GRID2: variants seen among roughly 807,000 people sequenced by gnomAD.
GRID2 encodes glutamate ionotropic receptor delta type subunit 2.
Under a neutral mutation model 114.8 loss-of-function variants are expected in GRID2, and 33 were observed. That is an observed-to-expected ratio of 0.29 (90% confidence interval 0.22 to 0.38). The LOEUF is 0.38. Among genes scored for constraint, GRID2 ranks in the 10% least tolerant of loss-of-function variants. The probability of loss-of-function intolerance (pLI) is 1.00; values close to 1 mark genes in which losing one functional copy is unlikely to be tolerated. For missense variants in GRID2, 1,184 were observed against 1,257.7 expected (o/e 0.94, Z 0.89); for synonymous variants, 505 against 449.9 (o/e 1.12, Z -1.55).
chr4:93,279,002 C>T (rs1352139204), intron 8 of GRID2, among the ~76,000 whole-genome samples: 1 of 151,778 alleles, frequency 6.6e-6, no homozygotes, highest in African/African-American at 2.4e-5. Flanking sequence ...GTTTTAACAA[C>T]CGCTTTTAAG....
intron 8 of GRID2, among the ~76,000 whole-genome samples, chr4:93,287,785 A>C (rs1753338099): frequency 6.6e-6 from 1 of 152,208 alleles, no homozygotes; most frequent in South Asian, 2.1e-4. Context: ...TATTCACTTG[A>C]TAATTGTTCT....
intron 2 of GRID2, among the ~76,000 whole-genome samples, chr4:92,985,311 C>T (rs112467513): frequency 6.6e-6 from 1 of 151,566 alleles, no homozygotes; most frequent in Non-Finnish European, 1.5e-5. Context: ...GCAAGCTCCG[C>T]CTCCCGGGTT....
intron 14 of GRID2, among the ~76,000 whole-genome samples, chr4:93,684,960 G>A (rs980128294): frequency 1.3e-5 from 2 of 152,012 alleles, no homozygotes; most frequent in Admixed American, 6.6e-5. Context: ...GGTGGTAAAA[G>A]GCTCTCTTGT....
chr4:92,943,295 C>G (rs903610548), intron 2 of GRID2, among the ~76,000 whole-genome samples: 1 of 152,064 alleles, frequency 6.6e-6, no homozygotes, highest in Non-Finnish European at 1.5e-5. Context: ...CTCTGAACTT[C>G]TCTTCTCACT....
intron 13 of GRID2, among the ~76,000 whole-genome samples, chr4:93,560,089 G>A (rs1269056490): frequency 6.6e-6 from 1 of 151,798 alleles, no homozygotes; most frequent in South Asian, 2.1e-4. Context: ...AAGGTGGGGG[G>A]CTAGGGGATG....
intron 14 of GRID2, among the ~76,000 whole-genome samples, chr4:93,706,082 G>A (rs1265717205): frequency 6.6e-6 from 1 of 152,054 alleles, no homozygotes; most frequent in African/African-American, 2.4e-5. Context: ...GATCACTATA[G>A]CTCTGTAGTA....
intron 2 of GRID2, among the ~76,000 whole-genome samples, chr4:92,842,362 A>G (rs1435197964): frequency 1.3e-5 from 2 of 152,196 alleles, no homozygotes; most frequent in African/African-American, 4.8e-5. Flanking sequence ...CCAAGAAAGC[A>G]GTTTTTCCTA....
intron 2 of GRID2, among the ~76,000 whole-genome samples, chr4:92,928,332 A>G (rs916199348): frequency 6.6e-6 from 1 of 151,766 alleles, no homozygotes; most frequent in African/African-American, 2.4e-5. Context: ...ATTTTTATTT[A>G]GAAAGATTTA....
At chr4:93,752,283 A>G (rs1732387509) in intron 14 of GRID2, among the ~76,000 whole-genome samples, 1 of 152,218 alleles carries the variant, frequency 6.6e-6, no homozygotes, top group Non-Finnish European at 1.5e-5. Flanking sequence ...GGATCATGTT[A>G]TCTTGCCAGT....
At chr4:93,172,440 A>T (rs568224455) in intron 4 of GRID2, among the ~76,000 whole-genome samples, 1 of 152,106 alleles carries the variant, frequency 6.6e-6, no homozygotes, top group East Asian at 1.9e-4. Context: ...AAGTTACAAA[A>T]AATTAGCCAA....
At chr4:92,608,570 A>G (rs1054983308) in intron 2 of GRID2, among the ~76,000 whole-genome samples, 6 of 151,810 alleles carry the variant, frequency 4.0e-5, no homozygotes, top group African/African-American at 1.4e-4. Context: ...CTCTCAAAGG[A>G]GTTTTACTAC....
At chr4:92,746,480 G>GTGGCTATT (rs1257231580) in intron 2 of GRID2, among the ~76,000 whole-genome samples, 5 of 152,044 alleles carry the variant, frequency 3.3e-5, no homozygotes, top group Non-Finnish European at 7.4e-5. Flanking sequence ...AGGCTTTATA[G>GTGGCTATT]GAGTATGTAT....
intron 14 of GRID2, among the ~76,000 whole-genome samples, chr4:93,699,290 C>T (rs1727304860): frequency 6.6e-6 from 1 of 151,896 alleles, no homozygotes; most frequent in South Asian, 2.1e-4. Flanking sequence ...ACAATTAGAC[C>T]ATGTCAAAAT....
intron 1 of GRID2, among the ~76,000 whole-genome samples, chr4:92,587,372 A>G (rs57113788): frequency 0.38 from 57,619 of 151,718 alleles, 10,944 homozygotes; most frequent in Middle Eastern, 0.46. Flanking sequence ...TAATATTTGT[A>G]TATTAATACA....
chr4:92,709,682 A>T (rs1259601495), intron 2 of GRID2, among the ~76,000 whole-genome samples: 1 of 150,826 alleles, frequency 6.6e-6, no homozygotes, highest in Non-Finnish European at 1.5e-5. Flanking sequence ...GTTAAATTTT[A>T]TGGAAATTGT....
intron 2 of GRID2, among the ~76,000 whole-genome samples, chr4:92,708,347 G>A (rs1330720134): frequency 6.6e-6 from 1 of 152,122 alleles, no homozygotes; most frequent in East Asian, 1.9e-4. Context: ...AAAAAATCAT[G>A]TACCTCAGTG....
intron 1 of GRID2, among the ~76,000 whole-genome samples, chr4:92,537,829 G>C (rs990145563): frequency 2.1e-5 from 3 of 143,248 alleles, no homozygotes; most frequent in African/African-American, 7.8e-5. Flanking sequence ...GTGTGTGTGT[G>C]TCTAATTTGA....
intron 10 of GRID2, among the ~76,000 whole-genome samples, chr4:93,439,088 G>A (rs1197610903): frequency 6.6e-6 from 1 of 152,008 alleles, no homozygotes; most frequent in Non-Finnish European, 1.5e-5. Context: ...ATCGTTGTTG[G>A]ACATTTGGGT....
rs1357398815 is a variant in GRID2 at position 93,455,803 on chromosome 4, G to T, written c.1687G>T (p.Ala563Ser). The T allele has an allele frequency of 1.9e-6, 3 of 1,613,560 alleles. No homozygotes were observed. Among genetic ancestry groups the T allele is most frequent in the African/African-American group, 1.3e-5 (1 of 75,020 alleles). ...GACAGTGGATATGTTTGCCTGTCTT[G>T]CACCATTTGATCTCTCTCTATGGGC... ...EKTVDMFACL[A>S]PFDLSLWACI... Residue 563 changes from alanine (A) to serine (S), a missense_variant, in exon 11 of 16, where the codon GCA becomes TCA. Coordinates refer to ENST00000282020, the MANE Select transcript of GRID2 (RefSeq NM_001510.4).
Sources: allele counts gnomAD v4.1 joint callset (sites outside exome capture counted in the v4.1 genomes callset), GRCh38; gene constraint gnomAD v4.1.1; transcripts MANE v1.5; gene names NCBI Gene and HGNC (gene_info 2026-07-23, HGNC 2026-07-21).